Variants in ASB15 observed in about 807,000 individuals in gnomAD.
ASB15 encodes the protein ankyrin repeat and SOCS box protein 15.
ASB15 carries 54 observed loss-of-function variants against 58.0 expected under a neutral mutation model. The ratio of observed to expected loss-of-function variants is 0.93; its 90% CI spans 0.75 to 1.17. The LOEUF (loss-of-function observed/expected upper bound fraction) is 1.17, where lower values mean the gene tolerates loss of function less well. Among genes scored for constraint, ASB15 ranks in the 50% most tolerant of loss-of-function variants. ASB15 has a pLI of 0.00. For missense variants in ASB15, 680 were observed against 707.4 expected (o/e 0.96, Z 0.44); for synonymous variants, 249 against 262.4 (o/e 0.95, Z 0.50).
chr7:123,611,468 A>ATT (rs144284582), intron 3 of ASB15, among the ~76,000 whole-genome samples: 5 of 149,892 alleles, frequency 3.3e-5, no homozygotes, highest in South Asian at 2.1e-4. Context: ...TTTTTTTTGT[A>ATT]TTTTTTTTTA....
At chr7:123,569,101 A>T (rs368327451) in intron 1 of ASB15, among the ~76,000 whole-genome samples, 1 of 152,230 alleles carries the variant, frequency 6.6e-6, no homozygotes, top group Non-Finnish European at 1.5e-5. Context: ...TTTAGTCTGT[A>T]TCAGAAACTA....
rs1459949582 is a variant in ASB15 at position 123,637,877 on chromosome 7, C to CAAAAAAAAAAAAAAAAAAAAAAA, written c.*896_*897insAAAAAAAAAAAAAAAAAAAAAAA. On this transcript the variant is annotated 3_prime_UTR_variant, in exon 12 of 12. Coordinates refer to ENST00000451215, the MANE Select transcript of ASB15 (RefSeq NM_001290258.2). ...CAAATTCAACATGTCCCCAGATGAA[C>CAAAAAAAAAAAAAAAAAAAAAAA]TAAAAAAAAAAAAAAAAAAAAAACC... 1.6e-4 allele frequency: 3 copies of CAAAAAAAAAAAAAAAAAAAAAAA among 19,122 alleles called. No individual in the cohort carries two copies. The highest frequency in any genetic ancestry group is 2.8e-4 in the Non-Finnish European group (3 of 10,832). The allele number at this position is 19,122 out of a possible 1,614,324, so 1.2% of individuals were successfully genotyped here.
At chr7:123,580,401 G>C (rs1799194072) in intron 1 of ASB15, among the ~76,000 whole-genome samples, 1 of 151,950 alleles carries the variant, frequency 6.6e-6, no homozygotes, top group African/African-American at 2.4e-5. Flanking sequence ...CTAGGCACAG[G>C]AGAGGCTTTG....
intron 1 of ASB15, among the ~76,000 whole-genome samples, chr7:123,581,239 A>G (rs1468530481): frequency 6.6e-6 from 1 of 151,838 alleles, no homozygotes; most frequent in South Asian, 2.1e-4. Flanking sequence ...AGGGTATGGG[A>G]GATCTGTAAG....
Position 123,592,619 on chromosome 7 carries a change from T to C in ASB15, c.-442-11413T>C, listed in dbSNP as rs1799571378. 2.0e-5 allele frequency among the ~76,000 whole-genome samples: 3 copies of C among 152,190 alleles called. No homozygotes were observed. The South Asian group carries it at 6.2e-4, about 32-fold the overall frequency. On this transcript the variant is annotated intron_variant, in intron 1 of 13. Coordinates refer to the ASB15 transcript ENST00000451558. The stretch of plus-strand genomic sequence containing the variant: ...TTGGAGTGAGTTTCTTAATCCTTAT[T>C]TCTAATTTGATTGCACTGTGGTCTG...
intron 1 of ASB15, among the ~76,000 whole-genome samples, chr7:123,588,344 T>G (rs978408235): frequency 6.6e-6 from 1 of 151,722 alleles, no homozygotes. Flanking sequence ...TCTTATAATC[T>G]TTTGTATTTC....
intron 1 of ASB15, among the ~76,000 whole-genome samples, chr7:123,583,766 T>A (rs1278185098): frequency 2.0e-5 from 3 of 151,826 alleles, no homozygotes; most frequent in African/African-American, 7.3e-5. Context: ...AACATCTTCA[T>A]AATATACTGA....
At chr7:123,595,753 T>A (rs942079176) in intron 1 of ASB15, among the ~76,000 whole-genome samples, 32 of 152,188 alleles carry the variant, frequency 2.1e-4, no homozygotes, top group African/African-American at 7.5e-4. Context: ...ACTTTGTAAA[T>A]GCTCTTTAGC....
At chr7:123,635,538 C>T (rs1324384116) in intron 11 of ASB15, among the ~76,000 whole-genome samples, 1 of 149,326 alleles carries the variant, frequency 6.7e-6, no homozygotes, top group African/African-American at 2.5e-5. Context: ...ATTATACTTC[C>T]TGTCATAGAA....
At chr7:123,593,528 A>G (rs12531573) in intron 1 of ASB15, among the ~76,000 whole-genome samples, 44,775 of 152,040 alleles carry the variant, frequency 0.29, 6,735 homozygotes, top group East Asian at 0.41. Flanking sequence ...CTTCACTTAC[A>G]AAGCTTAGTT....
chr7:123,629,171 T>C lies in ASB15; in HGVS notation c.1177T>C (p.Tyr393His). 1 of 1,614,142 alleles carries C rather than the reference T, an allele frequency of 6.2e-7. No homozygotes were observed. Among genetic ancestry groups the C allele is most frequent in the East Asian group, 2.2e-5 (1 of 44,890 alleles). The change falls in exon 10 of 12, where the codon TAT becomes CAT. Residue 393 changes from tyrosine (Y) to histidine (H), a missense_variant. Transcript: ENST00000451215. ...CLLVAVRANNYEIVRLLLSHG... is the reference protein window; with the variant it reads ...CLLVAVRANNHEIVRLLLSHG... ...ACTTGTTGCAGTGAGGGCCAATAAT[T>C]ATGAAATTGTCAGGCTGCTTCTCTC... is the stretch of plus-strand genomic sequence containing the variant.
chr7:123,628,936 A>G lies in ASB15; in HGVS notation c.942A>G (p.Ser314=), dbSNP rs1584814525. ...AAAGTGGGCTAACACCAATTCACTC[A>G]GCAGCAGATGGACAAAATGCACAGT... is the stretch of plus-strand genomic sequence containing the variant. ...IRKSGLTPIH[S]AADGQNAQCL... is the part of the protein sequence containing the mutation. The change falls in exon 10 of 12, where the codon TCA becomes TCG. Residue 314 remains serine (S), a synonymous_variant. Transcript: ENST00000451215. 1 of 1,608,058 alleles carries G rather than the reference A, an allele frequency of 6.2e-7. No homozygotes were observed. Among genetic ancestry groups the G allele is most frequent in the Non-Finnish European group, 8.5e-7 (1 of 1,177,210 alleles).
chr7:123,602,882 G>A (rs1452081543), intron 1 of ASB15, among the ~76,000 whole-genome samples: 1 of 152,038 alleles, frequency 6.6e-6, no homozygotes, highest in Admixed American at 6.6e-5. Context: ...TCAGATGACT[G>A]GGCTATATCC....
intron 11 of ASB15, among the ~76,000 whole-genome samples, chr7:123,633,409 A>G (rs556771344): frequency 1.5e-4 from 23 of 152,262 alleles, no homozygotes; most frequent in African/African-American, 5.5e-4. Context: ...ATATTCAGTA[A>G]ATGAGTAATT....
chr7:123,597,570 G>A (rs186870808), upstream of ASB15, among the ~76,000 whole-genome samples: 16 of 152,096 alleles, frequency 1.1e-4, no homozygotes, highest in East Asian at 2.1e-3. Flanking sequence ...GGTGGCTCAC[G>A]CCTGTAATCC....
rs558599218 is a variant in ASB15, at chr7:123,638,597, A to G, written c.*1616A>G. On this transcript the variant is annotated 3_prime_UTR_variant, in exon 12 of 12. Transcript: ENST00000451215. The stretch of plus-strand genomic sequence containing the variant: ...GCTCTCATTTCCCCATTGACGAGTG[A>G]GAATTTCACTGTGGGCCATCAAATA... 3.3e-5 allele frequency: 5 copies of G among 152,160 alleles called. No individual in the cohort carries two copies. Among genetic ancestry groups the G allele is most frequent in the Non-Finnish European group, 7.3e-5 (5 of 68,034 alleles). 9.4% of individuals were successfully genotyped at this position (152,160 alleles called of 1,614,324 possible). A position where few individuals can be genotyped will look rare whatever the true frequency, so the allele number is the denominator to read the frequency against.
At chr7:123,626,001 CCA>C (rs1472621847) in intron 8 of ASB15, among the ~76,000 whole-genome samples, 1 of 152,016 alleles carries the variant, frequency 6.6e-6, no homozygotes, top group Non-Finnish European at 1.5e-5. Flanking sequence ...AGCAGCAGAG[CCA>C]CAGTCCCCTA....
upstream of ASB15, among the ~76,000 whole-genome samples, chr7:123,597,758 G>A (rs1220092132): frequency 1.3e-5 from 2 of 152,154 alleles, no homozygotes; most frequent in Non-Finnish European, 2.9e-5. Context: ...TTGTACACAG[G>A]AGGCAGAGGT....
At chr7:123,588,640 C>T (rs1231216853) in intron 1 of ASB15, among the ~76,000 whole-genome samples, 3 of 134,866 alleles carry the variant, frequency 2.2e-5, no homozygotes, top group African/African-American at 8.2e-5. Context: ...TTTTCTTTTT[C>T]TAGTTGTTTG....
Sources: gnomAD v4.1 joint callset for allele counts (sites outside exome capture counted in the v4.1 genomes callset) on GRCh38, gnomAD v4.1.1 for gene constraint, MANE v1.5 for transcripts, NCBI Gene and HGNC (gene_info 2026-07-23, HGNC 2026-07-21) for gene names.